Variants in MROH1 observed in about 807,000 individuals in gnomAD.
MROH1 encodes maestro heat-like repeat-containing protein family member 1.
A neutral mutation model predicts 116.5 loss-of-function variants in MROH1; 117 were observed. The ratio of observed to expected loss-of-function variants is 1.00; its 90% CI spans 0.86 to 1.17. The LOEUF (loss-of-function observed/expected upper bound fraction) is 1.17. Ranked by LOEUF, MROH1 falls within the 50% of genes most tolerant of loss-of-function variation. The pLI is 0.00. For missense variants in MROH1, 1,873 were observed against 1,338.5 expected (o/e 1.40, Z -6.23); for synonymous variants, 921 against 583.9 (o/e 1.58, Z -8.32).
chr8:144,148,862 C>T (rs1389775906), intron 1 of MROH1: 1 of 152,596 alleles, frequency 6.6e-6, no homozygotes, highest in African/African-American at 2.4e-5. Flanking sequence ...GGGACAGACT[C>T]ATAAACTCAA....
intron 4 of MROH1, chr8:144,174,722 A>G (rs923158839): frequency 2.6e-5 from 11 of 427,854 alleles, no homozygotes; most frequent in African/African-American, 2.1e-4. Context: ...GGCCCAAGTG[A>G]TCCTCCCACC....
chr8:144,212,866 C>T, intron 12 of MROH1: 1 of 599,944 alleles, frequency 1.7e-6, no homozygotes, highest in South Asian at 2.0e-5. Flanking sequence ...GTTGGGATTA[C>T]AGGCATGAGC....
chr8:144,168,783 G>C (rs1178765612), intron 4 of MROH1, among the ~76,000 whole-genome samples: 1 of 152,198 alleles, frequency 6.6e-6, no homozygotes, highest in Non-Finnish European at 1.5e-5. Flanking sequence ...ACAGAAGGTT[G>C]TTTCTGAGAG....
Position 144,261,868 on chromosome 8 carries a change from T to C in MROH1, c.*128T>C. The C allele has an allele frequency of 1.5e-6, 1 of 685,916 alleles. No homozygotes were observed. Among genetic ancestry groups the C allele is most frequent in the Non-Finnish European group, 2.6e-6 (1 of 377,840 alleles). The allele number at this position is 685,916 out of a possible 1,614,324, so 42.5% of individuals were successfully genotyped here. A position where few individuals can be genotyped will look rare whatever the true frequency, so the allele number is the denominator to read the frequency against. On this transcript the variant is annotated 3_prime_UTR_variant, in exon 44 of 44. Transcript: ENST00000326134. ...GGCCTGGCCCCAGAACAGGCACTGC[T>C]GGGGACCAAACCCAAGCCCTTCAGT...
intron 10 of MROH1, chr8:144,192,870 G>C: frequency 3.0e-6 from 1 of 331,800 alleles, no homozygotes; most frequent in Non-Finnish European, 5.9e-6. Flanking sequence ...CAGGTCGGGT[G>C]AATGAGGCTG....
Position 144,200,442 on chromosome 8 carries a change from G to C in MROH1, c.1042G>C (p.Asp348His). The stretch of plus-strand genomic sequence containing the variant: ...TTGCCCTGTAGCCTGCAGCTCGCCT[G>C]ACCGCCTACTGGCCTTCCTGCTGCC... ...CFTVLACSSP[D>H]RLLAFLLPRL... The change falls in exon 12 of 44, where the codon GAC (aspartate) becomes CAC (histidine). Residue 348 changes from aspartate to histidine, a missense_variant. Asp to His is a moderately conservative substitution (Grantham distance 81). Transcript: ENST00000326134. The C allele has an allele frequency of 6.5e-7, 1 of 1,550,088 alleles. No individual in the cohort carries two copies. Among genetic ancestry groups the C allele is most frequent in the Non-Finnish European group, 8.7e-7 (1 of 1,146,962 alleles).
At position 144,181,675 on chromosome 8, in the gene MROH1, G is replaced by C. The variant is rs901264827; in HGVS notation, c.562+1152G>C. On this transcript the variant is annotated intron_variant, in intron 7 of 43. Coordinates refer to ENST00000326134, the MANE Select transcript of MROH1 (RefSeq NM_032450.3). ...TGGGATTGGTGACAGGATGGGGGCA[G>C]CTGCATACTGAGCCAGGTGTGAAGG... Among the ~76,000 whole-genome samples, 23 of 152,206 alleles carry C rather than the reference G, an allele frequency of 1.5e-4. 1 individual carries two copies. The highest frequency in any genetic ancestry group is 5.1e-4 in the African/African-American group (21 of 41,450).
At chr8:144,255,272 C>T (rs1208865084) in intron 34 of MROH1, among the ~76,000 whole-genome samples, 4 of 152,250 alleles carry the variant, frequency 2.6e-5, no homozygotes, top group Non-Finnish European at 5.9e-5. Context: ...GAGCTGAGAA[C>T]AGATGGCCTG....
intron 9 of MROH1, among the ~76,000 whole-genome samples, 198 bp downstream of exon 9, chr8:144,192,053 C>T (rs150294687): frequency 1.3e-5 from 2 of 152,304 alleles, no homozygotes; most frequent in Non-Finnish European, 2.9e-5. Flanking sequence ...CTGCCCTGGA[C>T]GGTGCCAGGA....
At chr8:144,225,790 C>G (rs1026793908) in intron 14 of MROH1, among the ~76,000 whole-genome samples, 1 of 151,970 alleles carries the variant, frequency 6.6e-6, no homozygotes, top group Non-Finnish European at 1.5e-5. Context: ...GAACTCCTGA[C>G]CTCAGGTGAT....
At chr8:144,250,775 A>G in intron 33 of MROH1, 1 of 361,712 alleles carries the variant, frequency 2.8e-6, no homozygotes, top group Non-Finnish European at 5.4e-6. Flanking sequence ...GCTGCCTGTG[A>G]GCAGACCCCT....
At chr8:144,167,921 A>C (rs1821350707) in intron 3 of MROH1, among the ~76,000 whole-genome samples, 1 of 152,028 alleles carries the variant, frequency 6.6e-6, no homozygotes, top group Non-Finnish European at 1.5e-5. Context: ...TGAGTGAGCC[A>C]ATGTCTTCAA....
At chr8:144,229,562 G>C (rs1801974655) in intron 14 of MROH1, among the ~76,000 whole-genome samples, 1 of 151,650 alleles carries the variant, frequency 6.6e-6, no homozygotes, top group African/African-American at 2.4e-5. Flanking sequence ...GTTTTGTTTT[G>C]TCTTGTTTTT....
At position 144,250,342 on chromosome 8, in the gene MROH1, T is replaced by C; in HGVS notation, c.3404T>C (p.Leu1135Pro). 1.3e-6 allele frequency: 1 copy of C among 767,698 alleles called. No individual in the cohort carries two copies. The highest frequency in any genetic ancestry group is 1.7e-5 in the African/African-American group (1 of 59,076). 47.6% of individuals were successfully genotyped at this position (767,698 alleles called of 1,614,324 possible). The change falls in exon 33 of 44, where the codon CTG (leucine) becomes CCG (proline). Residue 1135 changes from leucine to proline, a missense_variant. Transcript: ENST00000326134. ...TGCGCAGCCGTGGTGTCCAGCCTCC[T>C]GGGCAGCCCCTTGCCCTTGGACAGG... Reference protein sequence around the residue: ...QHCAAVVSSLLGSPLPLDSHT... With the variant: ...QHCAAVVSSLPGSPLPLDSHT...
chr8:144,202,793 GA>G (rs1831643221), intron 12 of MROH1, among the ~76,000 whole-genome samples: 2 of 109,158 alleles, frequency 1.8e-5, no homozygotes, highest in Non-Finnish European at 3.9e-5. Context: ...GAGGGGCTGG[GA>G]GGGAAGCGCA....
intron 3 of MROH1, among the ~76,000 whole-genome samples, chr8:144,166,718 C>T (rs1040647483): frequency 5.9e-5 from 9 of 151,882 alleles, no homozygotes. Context: ...TGGGGCGCCG[C>T]CCAGCCAGGG....
chr8:144,253,706 T>A (rs1372093828), intron 33 of MROH1, among the ~76,000 whole-genome samples: 1 of 152,032 alleles, frequency 6.6e-6, no homozygotes, highest in Non-Finnish European at 1.5e-5. Context: ...CAAGGATCAG[T>A]GACACACTGT....
chr8:144,200,625 T>A (rs1830905033), intron 12 of MROH1, 84 bp downstream of exon 12: 3 of 951,626 alleles, frequency 3.2e-6, no homozygotes, highest in Non-Finnish European at 4.9e-6. Context: ...TCCCTCTAAG[T>A]GAAAGCACCA....
chr8:144,228,514 A>T (rs1838230408), intron 14 of MROH1, among the ~76,000 whole-genome samples: 1 of 152,106 alleles, frequency 6.6e-6, no homozygotes, highest in Non-Finnish European at 1.5e-5. Flanking sequence ...GCCAGGCTGG[A>T]GTGCAGTGGC....
Sources: gnomAD v4.1 joint callset for allele counts (sites outside exome capture counted in the v4.1 genomes callset) on GRCh38, gnomAD v4.1.1 for gene constraint, MANE v1.5 for transcripts, NCBI Gene and HGNC (gene_info 2026-07-23, HGNC 2026-07-21) for gene names.